The following MAD1L1 variants were observed in gnomAD, a reference collection of about 807,000 sequenced individuals.
The protein encoded by MAD1L1 is mitotic arrest deficient 1 like 1.
In MAD1L1, 95 loss-of-function variants were observed where a neutral mutation model predicts 96.9. The observed-to-expected ratio is 0.98, with a 90% CI of 0.83 to 1.16. The LOEUF (loss-of-function observed/expected upper bound fraction) is 1.16. Ranked by LOEUF, MAD1L1 falls within the 50% of genes most tolerant of loss-of-function variation. The pLI is 0.00. For synonymous variants in MAD1L1, 473 were observed against 396.6 expected, an observed-to-expected ratio of 1.19 and a Z score of -2.29; for missense variants, 1,007 against 954.4, an observed-to-expected ratio of 1.06 and a Z score of -0.73.
At chr7:2,047,918 G>C (rs1401699042) in intron 12 of MAD1L1, among the ~76,000 whole-genome samples, 1 of 152,036 alleles carries the variant, frequency 6.6e-6, no homozygotes, top group Non-Finnish European at 1.5e-5. Context: ...TCAATGCACA[G>C]TTCACACAGA....
intron 17 of MAD1L1, among the ~76,000 whole-genome samples, chr7:1,901,121 G>A (rs1336932017): frequency 1.3e-5 from 2 of 152,218 alleles, no homozygotes; most frequent in Non-Finnish European, 2.9e-5. Flanking sequence ...ACGTAGGGAA[G>A]GGTCCATCCT....
intron 16 of MAD1L1, among the ~76,000 whole-genome samples, chr7:1,947,124 C>A (rs949337536): frequency 6.6e-6 from 1 of 152,332 alleles, no homozygotes; most frequent in East Asian, 1.9e-4. Context: ...TCATAAGACC[C>A]GGAGCAGAGG....
intron 15 of MAD1L1, among the ~76,000 whole-genome samples, chr7:1,975,920 A>C (rs1389582942): frequency 2.0e-5 from 3 of 152,180 alleles, no homozygotes; most frequent in Non-Finnish European, 4.4e-5. Flanking sequence ...GCGTCTAACC[A>C]GTTGCTGAAT....
At chr7:1,887,107 C>T (rs542970047) in intron 18 of MAD1L1, among the ~76,000 whole-genome samples, 15 of 152,374 alleles carry the variant, frequency 9.8e-5, no homozygotes, top group East Asian at 9.6e-4. Flanking sequence ...AGGGGGGCTC[C>T]GGCTGGGCCC....
Position 2,026,744 on chromosome 7 carries a change from A to G in MAD1L1, c.1219-12102T>C, listed in dbSNP as rs1358773003. Among the ~76,000 whole-genome samples the G allele has an allele frequency of 3.3e-5, 5 of 152,356 alleles. No individual in the cohort carries two copies. The South Asian group carries it at 6.2e-4, about 19-fold the overall frequency. ...GAAATTGATAAATGACTTGAGCCCA[A>G]TGATAAGGAAAATACAACACATCAA... On this transcript the variant is annotated intron_variant, in intron 12 of 18. Coordinates refer to ENST00000265854, the MANE Select transcript of MAD1L1 (RefSeq NM_001013836.2).
At chr7:1,930,626 C>T (rs1393596583) in intron 17 of MAD1L1, among the ~76,000 whole-genome samples, 1 of 149,708 alleles carries the variant, frequency 6.7e-6, no homozygotes, top group African/African-American at 2.5e-5. Flanking sequence ...CTTCGTCCCA[C>T]CGTCACATCC....
intron 17 of MAD1L1, among the ~76,000 whole-genome samples, chr7:1,903,534 T>C (rs566647078): frequency 5.9e-5 from 8 of 135,704 alleles, no homozygotes; most frequent in East Asian, 2.3e-4. Flanking sequence ...CAGTGGCCTA[T>C]GGAAGACGCT....
At chr7:1,975,590 G>C (rs1217573027) in intron 15 of MAD1L1, among the ~76,000 whole-genome samples, 3 of 152,240 alleles carry the variant, frequency 2.0e-5, no homozygotes, top group African/African-American at 7.2e-5. Flanking sequence ...TAGAGCAGCG[G>C]TGTTTAATGG....
At chr7:2,005,598 C>T (rs1280566966) in intron 13 of MAD1L1, among the ~76,000 whole-genome samples, 1 of 152,028 alleles carries the variant, frequency 6.6e-6, no homozygotes, top group Admixed American at 6.6e-5. Context: ...GTTAGGAGTT[C>T]GAGACCAGCC....
intron 14 of MAD1L1, among the ~76,000 whole-genome samples, chr7:1,983,741 A>C (rs1781029900): frequency 6.6e-6 from 1 of 152,250 alleles, no homozygotes; most frequent in Non-Finnish European, 1.5e-5. Context: ...CACGCCTGAA[A>C]GCTCTCGCAT....
intron 17 of MAD1L1, among the ~76,000 whole-genome samples, chr7:1,909,326 C>G (rs1163514235): frequency 6.6e-6 from 1 of 152,118 alleles, no homozygotes; most frequent in African/African-American, 2.4e-5. Context: ...CTGCCCAGGC[C>G]CAATGCCGAG....
intron 15 of MAD1L1, among the ~76,000 whole-genome samples, chr7:1,966,868 C>T (rs1034010746): frequency 2.0e-5 from 3 of 152,188 alleles, no homozygotes; most frequent in Admixed American, 6.5e-5. Flanking sequence ...TTCAGGAACA[C>T]GAGAGGAATA....
At chr7:2,099,828 G>C (rs1010635387) in intron 11 of MAD1L1, among the ~76,000 whole-genome samples, 3 of 152,356 alleles carry the variant, frequency 2.0e-5, no homozygotes, top group African/African-American at 7.2e-5. Context: ...ATCCCCAGTG[G>C]GACTGGCTGC....
chr7:1,926,697 ACT>A (rs1789110083), intron 17 of MAD1L1, among the ~76,000 whole-genome samples: 1 of 152,216 alleles, frequency 6.6e-6, no homozygotes, highest in East Asian at 1.9e-4. Flanking sequence ...CATGATAAAC[ACT>A]CTCAGCAAAC....
chr7:2,093,009 G>A (rs1350841794), intron 11 of MAD1L1, among the ~76,000 whole-genome samples: 6 of 151,866 alleles, frequency 4.0e-5, no homozygotes, highest in African/African-American at 7.3e-5. Flanking sequence ...AGGCTGAGGC[G>A]GGTGGATCAC....
At chr7:2,216,388 C>G in intron 7 of MAD1L1, 101 bp from the exon 8 acceptor site, 1 of 1,197,538 alleles carries the variant, frequency 8.4e-7, no homozygotes, top group South Asian at 1.5e-5. Context: ...CGGTCTGCAA[C>G]GGCTATACAC....
At chr7:1,906,920 C>T (rs913754415) in intron 17 of MAD1L1, among the ~76,000 whole-genome samples, 1 of 152,232 alleles carries the variant, frequency 6.6e-6, no homozygotes, top group African/African-American at 2.4e-5. Context: ...GCGTCTGTCC[C>T]TGAACACCCG....
chr7:2,027,615 T>G (rs1310418118), intron 12 of MAD1L1, among the ~76,000 whole-genome samples: 1 of 152,236 alleles, frequency 6.6e-6, no homozygotes, highest in Non-Finnish European at 1.5e-5. Context: ...ATCTCAATAT[T>G]TGCAGAAAAG....
chr7:1,986,900 G>A (rs1781176396), intron 14 of MAD1L1, among the ~76,000 whole-genome samples: 1 of 151,880 alleles, frequency 6.6e-6, no homozygotes, highest in Admixed American at 6.6e-5. Flanking sequence ...GCCCCCTTGA[G>A]CCTGTGCCCG....
Sources: gnomAD v4.1 joint callset for allele counts (sites outside exome capture counted in the v4.1 genomes callset) on GRCh38, gnomAD v4.1.1 for gene constraint, MANE v1.5 for transcripts, NCBI Gene and HGNC (gene_info 2026-07-23, HGNC 2026-07-21) for gene names.